The following MROH9 variants were observed in gnomAD, a reference collection of about 807,000 sequenced individuals.
MROH9 encodes the protein maestro heat like repeat family member 9, also known as maestro heat-like repeat-containing protein family member 9.
MROH9 carries 92 observed loss-of-function variants against 98.2 expected under a neutral mutation model. The observed-to-expected ratio is 0.94, with a 90% confidence interval of 0.79 to 1.11. MROH9 has a LOEUF of 1.11. Ranked by LOEUF, MROH9 falls within the 50% of genes most tolerant of loss-of-function variation. The pLI, the probability that MROH9 is intolerant of heterozygous loss-of-function variation, is 0.00. For missense variants in MROH9, 1,057 were observed against 1,014.8 expected (o/e 1.04, Z -0.57); for synonymous variants, 397 against 368.9 (o/e 1.08, Z -0.87).
rs1649297969 is a variant in MROH9 at position 170,945,564 on chromosome 1, CA to C, written c.10del (p.Arg4GlyfsTer16). 1 of 1,611,714 alleles carries C rather than the reference CA, an allele frequency of 6.2e-7. No individual in the cohort carries two copies. The highest frequency in any genetic ancestry group is 1.3e-5 in the African/African-American group (1 of 74,764). ML[T>X]RNPKTKSSLQ... ...TAATACACCTCTGTCAGCATGTTGA[CA>C]AGGAATCCAAAAACAAGTAAGGCTT... On this transcript the variant is annotated frameshift_variant, in exon 2 of 22. Transcript: ENST00000367759. LOFTEE classifies it high-confidence loss of function.
intron 10 of MROH9, among the ~76,000 whole-genome samples, chr1:170,988,477 A>G (rs912933455): frequency 2.6e-5 from 4 of 152,112 alleles, no homozygotes; most frequent in Non-Finnish European, 5.9e-5. Flanking sequence ...GGTGAGATGA[A>G]GGCTTACCAA....
intron 3 of MROH9, among the ~76,000 whole-genome samples, chr1:170,950,360 C>A (rs1300524220): frequency 6.6e-6 from 1 of 151,964 alleles, no homozygotes; most frequent in Non-Finnish European, 1.5e-5. Context: ...TTAGAATAGT[C>A]CATAAAGGAG....
chr1:170,962,266 G>A (rs754880940), intron 6 of MROH9, among the ~76,000 whole-genome samples: 1 of 152,168 alleles, frequency 6.6e-6, no homozygotes, highest in Non-Finnish European at 1.5e-5. Context: ...AATAGTATTA[G>A]AGAGCAGTGT....
intron 17 of MROH9, 70 bp downstream of exon 17, chr1:171,016,406 T>C: frequency 8.3e-7 from 1 of 1,206,348 alleles, no homozygotes; most frequent in Non-Finnish European, 1.1e-6. Flanking sequence ...GTTGAGGCAG[T>C]GATGTTAGGT....
chr1:170,980,197 A>C (rs558916103), intron 8 of MROH9, among the ~76,000 whole-genome samples: 1 of 152,300 alleles, frequency 6.6e-6, no homozygotes, highest in South Asian at 2.1e-4. Flanking sequence ...TATTCCTATC[A>C]AACTACCATT....
chr1:171,048,187 C>T (rs1231117353), intron 20 of MROH9, among the ~76,000 whole-genome samples: 3 of 152,144 alleles, frequency 2.0e-5, no homozygotes, highest in Non-Finnish European at 4.4e-5. Context: ...CTGTGGAGCT[C>T]TACAATTGGC....
At chr1:170,986,774 T>C (rs1651153214) in intron 10 of MROH9, 64 bp downstream of exon 10, 1 of 1,506,642 alleles carries the variant, frequency 6.6e-7, no homozygotes, top group Non-Finnish European at 9.0e-7. Context: ...TTTTTGCCTG[T>C]GTTGTATGTC....
intron 8 of MROH9, among the ~76,000 whole-genome samples, chr1:170,976,335 G>T (rs1256457225): frequency 1.3e-5 from 2 of 150,952 alleles, no homozygotes; most frequent in Non-Finnish European, 3.0e-5. Flanking sequence ...TTATCAGGCA[G>T]ATCAGTGGTA....
chr1:171,056,971 C>T (rs1222791099), intron 20 of MROH9, among the ~76,000 whole-genome samples: 1 of 152,134 alleles, frequency 6.6e-6, no homozygotes, highest in Admixed American at 6.5e-5. Flanking sequence ...GAGTCAGCAG[C>T]CTCAAACTCA....
intron 20 of MROH9, among the ~76,000 whole-genome samples, chr1:171,052,690 CAG>C (rs1653708886): frequency 6.6e-6 from 1 of 152,126 alleles, no homozygotes; most frequent in Non-Finnish European, 1.5e-5. Context: ...AGGGGCAGCT[CAG>C]GCTCCTAATC....
chr1:171,033,535 G>A (rs1280161812), intron 20 of MROH9, among the ~76,000 whole-genome samples: 3 of 151,892 alleles, frequency 2.0e-5, no homozygotes, highest in East Asian at 3.9e-4. Context: ...CTCTCAGGCC[G>A]GTCGCCACGC....
chr1:171,012,127 T>C (rs1017172121), intron 15 of MROH9, among the ~76,000 whole-genome samples: 2 of 152,072 alleles, frequency 1.3e-5, no homozygotes, highest in African/African-American at 4.8e-5. Flanking sequence ...TCCTATTGAG[T>C]GTTTGAGTTC....
intron 20 of MROH9, among the ~76,000 whole-genome samples, chr1:171,051,543 A>G (rs1363155860): frequency 6.6e-6 from 1 of 152,170 alleles, no homozygotes. Context: ...AACAATGAGA[A>G]CACATGGAAA....
In MROH9 at chr1:170,989,857, G is replaced by A. The variant is rs754179012; in HGVS notation, c.882G>A (p.Val294=). The A allele has an allele frequency of 4.4e-6, 7 of 1,599,306 alleles. No homozygotes were observed. Among genetic ancestry groups the A allele is most frequent in the Middle Eastern group, 1.7e-4 (1 of 5,990 alleles). Residue 294 remains valine, a splice_region_variant and synonymous_variant, in exon 11 of 22, where the codon GTG becomes GTA. Transcript: ENST00000367759. ...TACCTGTGGAATTTCTCTTCCAGGT[G>A]TCTAAGATCGTGGATGCTATTTACA... The part of the protein sequence containing the change: ...LEFHAEKVTM[V]SKIVDAIYRQ...
rs773667890 is a variant in MROH9 at position 170,958,543 on chromosome 1, A to G, written c.152+3A>G. On this transcript the variant is annotated splice_donor_region_variant and intron_variant, in intron 4 of 21. Coordinates refer to ENST00000367759, the MANE Select transcript of MROH9 (RefSeq NM_001163629.2). ...ATGATCCTGGCTGTGAACTCCAGGTATGATAAGCTATCATGCTCTTTTATT... is the reference window on the plus strand; with the variant it reads ...ATGATCCTGGCTGTGAACTCCAGGTGTGATAAGCTATCATGCTCTTTTATT... 8 of 1,569,912 alleles carry G rather than the reference A, an allele frequency of 5.1e-6. 1 individual carries two copies. Among genetic ancestry groups the G allele is most frequent in the Middle Eastern group, 1.7e-4 (1 of 5,880 alleles).
chr1:171,026,641 A>T (rs1652721798), intron 20 of MROH9, among the ~76,000 whole-genome samples: 1 of 152,210 alleles, frequency 6.6e-6, no homozygotes, highest in Non-Finnish European at 1.5e-5. Context: ...AGTTCCCACA[A>T]ATAAACCTCT....
At chr1:171,019,672 A>T (rs1652445576) in intron 17 of MROH9, among the ~76,000 whole-genome samples, 1 of 152,064 alleles carries the variant, frequency 6.6e-6, no homozygotes, top group South Asian at 2.1e-4. Flanking sequence ...TGCTAGAAAT[A>T]TCTCAAATCA....
chr1:170,998,692 G>A, intron 15 of MROH9: 4 of 1,069,198 alleles, frequency 3.7e-6, no homozygotes, highest in Non-Finnish European at 4.5e-6. Context: ...AAATGAAGAT[G>A]TGGAACCATA....
At chr1:170,981,400 T>C (rs772372818) in intron 8 of MROH9, among the ~76,000 whole-genome samples, 3 of 152,096 alleles carry the variant, frequency 2.0e-5, no homozygotes, top group Admixed American at 1.3e-4. Flanking sequence ...GAAAATGTGG[T>C]ACATATATAC....
Sources: allele counts gnomAD v4.1 joint callset (sites outside exome capture counted in the v4.1 genomes callset), GRCh38; gene constraint gnomAD v4.1.1; transcripts MANE v1.5; gene names NCBI Gene and HGNC (gene_info 2026-07-23, HGNC 2026-07-21).